ARAP1: variants seen among roughly 807,000 people sequenced by gnomAD.
ARAP1 encodes the protein ArfGAP with RhoGAP domain, ankyrin repeat and PH domain 1, also known as arf-GAP with Rho-GAP domain, ANK repeat and PH domain-containing protein 1.
ARAP1 carries 76 observed loss-of-function variants against 172.2 expected under a neutral mutation model. The observed-to-expected ratio is 0.44, with a 90% CI of 0.37 to 0.53. The LOEUF (loss-of-function observed/expected upper bound fraction) is 0.53. Ranked by LOEUF, ARAP1 falls within the 20% of genes least tolerant of loss-of-function variation. The pLI, the probability that ARAP1 is intolerant of heterozygous loss-of-function variation, is 0.00. For missense variants in ARAP1, 1,686 were observed against 1,977.5 expected (o/e 0.85, Z 2.80); for synonymous variants, 804 against 803.3 (o/e 1.00, Z -0.01).
At position 72,695,172 on chromosome 11, in the gene ARAP1, G is replaced by A; in HGVS notation, c.3577-75C>T. On this transcript the variant is annotated intron_variant, in intron 26 of 34. Transcript: ENST00000393609. The surrounding 1 kb of genome is among the most constrained non-coding windows in gnomAD (Gnocchi z 4.4). Reference sequence around the variant, plus strand: ...TGCCACAACCTTGCTATGTGACTCAGAGCCTGAGCCCATCCTTCTCAGGCC... The same window carrying A: ...TGCCACAACCTTGCTATGTGACTCAAAGCCTGAGCCCATCCTTCTCAGGCC... 6.7e-7 allele frequency: 1 copy of A among 1,499,792 alleles called. No individual in the cohort carries two copies. Among genetic ancestry groups the A allele is most frequent in the East Asian group, 2.3e-5 (1 of 44,244 alleles). The allele number at this position is 1,499,792 out of a possible 1,614,324, so 92.9% of individuals were successfully genotyped here.
At chr11:72,738,912 C>A (rs1858118737) in intron 1 of ARAP1, among the ~76,000 whole-genome samples, 1 of 152,204 alleles carries the variant, frequency 6.6e-6, no homozygotes, top group African/African-American at 2.4e-5. Flanking sequence ...GCCCAATACC[C>A]CACCCTTGGC....
In ARAP1 at chr11:72,726,188, C is replaced by T. The variant is rs1055724726; in HGVS notation, c.509+432G>A. Among the ~76,000 whole-genome samples the T allele has an allele frequency of 6.6e-6, 1 of 152,066 alleles. No individual in the cohort carries two copies. The highest frequency in any genetic ancestry group is 2.4e-5 in the African/African-American group (1 of 41,390). On this transcript the variant is annotated intron_variant, in intron 3 of 34. Coordinates refer to ENST00000393609, the MANE Select transcript of ARAP1 (RefSeq NM_001040118.3). The surrounding 1 kb of genome is among the most constrained non-coding windows in gnomAD (Gnocchi z 6.5). Reference sequence around the variant, plus strand: ...CACCAGGACCTGGGCAGTCCCCTCACCCCCAACCCTACCCCGCAGCTTTCC... The same window carrying T: ...CACCAGGACCTGGGCAGTCCCCTCATCCCCAACCCTACCCCGCAGCTTTCC...
Position 72,711,067 on chromosome 11 carries a change from T to G in ARAP1, c.1167A>C (p.Glu389Asp). 1.2e-6 allele frequency: 2 copies of G among 1,614,206 alleles called. No homozygotes were observed. Among genetic ancestry groups the G allele is most frequent in the Non-Finnish European group, 1.7e-6 (2 of 1,180,044 alleles). Residue 389 changes from glutamate to aspartate, a missense_variant, in exon 9 of 35, where the codon GAA (glutamate) becomes GAC (aspartate). By Grantham distance (45) the Glu-to-Asp change is conservative (BLOSUM62 2). Transcript: ENST00000393609. ...HVAAIGDQKF[E>D]VITNNRTFAF... Reference sequence around the variant, plus strand: ...CAAAGGTTCGGTTGTTTGTGATCACTTCAAACTTCTGGTCCCCGATGGCAG... The same window carrying G: ...CAAAGGTTCGGTTGTTTGTGATCACGTCAAACTTCTGGTCCCCGATGGCAG...
intron 4 of ARAP1, among the ~76,000 whole-genome samples, chr11:72,713,834 G>A (rs1166814575): frequency 5.6e-5 from 8 of 143,738 alleles, no homozygotes; most frequent in East Asian, 2.1e-4. Flanking sequence ...GCGACAGAGC[G>A]AGACTCCATC....
chr11:72,743,215 C>A (rs66628852), intron 1 of ARAP1, among the ~76,000 whole-genome samples: 27,172 of 152,188 alleles, frequency 0.18, 3,808 homozygotes, highest in African/African-American at 0.39. Context: ...ATGGCTAGGA[C>A]AACGTCAAGA....
At chr11:72,718,368 G>A (rs1250020461) in intron 3 of ARAP1, among the ~76,000 whole-genome samples, 3 of 151,830 alleles carry the variant, frequency 2.0e-5, no homozygotes, top group African/African-American at 4.8e-5. Context: ...CTCCAATCCC[G>A]AGGTCCAGCT....
intron 15 of ARAP1, among the ~76,000 whole-genome samples, chr11:72,702,621 G>A (rs984369419): frequency 1.3e-5 from 2 of 152,140 alleles, no homozygotes; most frequent in Non-Finnish European, 2.9e-5. Context: ...ACACAAATCC[G>A]GGGGGCTCAG....
At chr11:72,692,076 G>A (rs1855958054) in intron 30 of ARAP1, among the ~76,000 whole-genome samples, 1 of 152,070 alleles carries the variant, frequency 6.6e-6, no homozygotes, top group South Asian at 2.1e-4. Flanking sequence ...CAACAGTTGG[G>A]GACCCCTGCT....
At chr11:72,738,010 G>C (rs1858083301) in intron 1 of ARAP1, among the ~76,000 whole-genome samples, 1 of 152,196 alleles carries the variant, frequency 6.6e-6, no homozygotes. Context: ...AAACTCACCA[G>C]GTCACCTGCT....
intron 1 of ARAP1, among the ~76,000 whole-genome samples, chr11:72,746,257 C>T (rs566974881): frequency 6.6e-6 from 1 of 152,298 alleles, no homozygotes; most frequent in South Asian, 2.1e-4. Flanking sequence ...TAACTGAGTG[C>T]CCCTCTGCTA....
Position 72,687,889 on chromosome 11 carries a change from G to A in ARAP1, c.4071-151C>T, listed in dbSNP as rs140178651. 1.9e-3 allele frequency: 1,748 copies of A among 899,936 alleles called. 20 individuals carry two copies. The African/African-American group carries it at 0.026, about 13-fold the overall frequency. The allele number at this position is 899,936 out of a possible 1,614,324, so 55.7% of individuals were successfully genotyped here. On this transcript the variant is annotated intron_variant, in intron 31 of 34. Coordinates refer to ENST00000393609, the MANE Select transcript of ARAP1 (RefSeq NM_001040118.3). ...GAGTGGCACATCCTGGCCTCTTCCT[G>A]TCTCAGCCCCAACCAGCCTCCCAGG...
chr11:72,702,820 C>T (rs1226955951), intron 15 of ARAP1, 85 bp downstream of exon 15: 90 of 1,483,232 alleles, frequency 6.1e-5, no homozygotes, highest in Non-Finnish European at 7.7e-5. Context: ...TGAGGAGCTG[C>T]GATCACGGCC....
rs1429035202 is a variant in ARAP1, at chr11:72,710,834, C to T, written c.1213+187G>A. On this transcript the variant is annotated intron_variant, in intron 9 of 34. Coordinates refer to ENST00000393609, the MANE Select transcript of ARAP1 (RefSeq NM_001040118.3). The surrounding 1 kb of genome is among the most constrained non-coding windows in gnomAD (Gnocchi z 4.3). ...TGTGTGGTTCTGAGGAGTCAGTGAC[C>T]GTGCCAAGCACAGAGCCGGTCACAG... Among the ~76,000 whole-genome samples, 2 of 152,192 alleles carry T rather than the reference C, an allele frequency of 1.3e-5. No homozygotes were observed. The highest frequency in any genetic ancestry group is 2.1e-4 in the South Asian group (1 of 4,830).
At chr11:72,740,563 A>G (rs1858164347) in intron 1 of ARAP1, among the ~76,000 whole-genome samples, 1 of 152,214 alleles carries the variant, frequency 6.6e-6, no homozygotes, top group African/African-American at 2.4e-5. Flanking sequence ...TTTATCATTT[A>G]AGTATAACAT....
At chr11:72,705,658 G>T (rs1043201307) in intron 13 of ARAP1, 147 bp downstream of exon 13, 5 of 817,942 alleles carry the variant, frequency 6.1e-6, no homozygotes, top group African/African-American at 5.3e-5. Context: ...TTGCTTTTCC[G>T]AAATCCCCAC....
intron 34 of ARAP1, 94 bp downstream of exon 34, chr11:72,685,944 CGGGG>C (rs753233790): frequency 5.0e-6 from 8 of 1,600,616 alleles, no homozygotes; most frequent in Non-Finnish European, 6.8e-6. Flanking sequence ...GGAGGGCAAT[CGGGG>C]AGGGCAATCA....
At chr11:72,728,580 CAAAACA>C (rs893479745) in intron 2 of ARAP1, among the ~76,000 whole-genome samples, 109 of 152,018 alleles carry the variant, frequency 7.2e-4, no homozygotes, top group African/African-American at 2.1e-3. Context: ...GGCTCCGTCT[CAAAACA>C]AAAACAAAAA....
At position 72,695,954 on chromosome 11, in the gene ARAP1, G is replaced by A. The variant is rs1856169688; in HGVS notation, c.3273-89C>T. 24 of 1,473,834 alleles carry A rather than the reference G, an allele frequency of 1.6e-5. No homozygotes were observed. The highest frequency in any genetic ancestry group is 2.1e-5 in the Non-Finnish European group (23 of 1,104,280). The allele number at this position is 1,473,834 out of a possible 1,614,324, so 91.3% of individuals were successfully genotyped here. A position where few individuals can be genotyped will look rare whatever the true frequency, so the allele number is the denominator to read the frequency against. On this transcript the variant is annotated intron_variant, in intron 23 of 34. Transcript: ENST00000393609. This position sits in a 1 kb window ranked among gnomAD's most constrained non-coding sequence, Gnocchi z 4.4. ...TTAATTTCTGACAGGTCCAAGACTG[G>A]TCTGGTCAGAGGGGACCACTGTTTA...
chr11:72,686,789 C>T (rs1257196252), intron 33 of ARAP1, among the ~76,000 whole-genome samples: 3 of 152,188 alleles, frequency 2.0e-5, no homozygotes, highest in African/African-American at 7.2e-5. Flanking sequence ...CTGCCCGACG[C>T]TGCACCCAGA....
Sources: allele counts gnomAD v4.1 joint callset (sites outside exome capture counted in the v4.1 genomes callset), GRCh38; gene constraint gnomAD v4.1.1; non-coding constraint Gnocchi (gnomAD v3.1); transcripts MANE v1.5; gene names NCBI Gene and HGNC (gene_info 2026-07-23, HGNC 2026-07-21).